Variants in KCNQ1 observed in about 807,000 individuals in gnomAD.
The protein encoded by KCNQ1 is potassium voltage-gated channel subfamily KQT member 1.
A neutral mutation model predicts 72.4 loss-of-function variants in KCNQ1; 49 were observed. That is an observed-to-expected ratio of 0.68 (90% CI 0.54 to 0.86). The LOEUF (loss-of-function observed/expected upper bound fraction) is 0.86, where lower values mean the gene tolerates loss of function less well. KCNQ1 is among the 40% of genes least tolerant of loss of function. KCNQ1 has a pLI of 0.00. For missense variants in KCNQ1, 790 were observed against 945.1 expected, an observed-to-expected ratio of 0.84 and a Z score of 2.15; for synonymous variants, 450 against 412.6, an observed-to-expected ratio of 1.09 and a Z score of -1.10.
chr11:2,622,183 C>A, intron 10 of KCNQ1: 2 of 398,358 alleles, frequency 5.0e-6, no homozygotes, highest in Non-Finnish European at 8.9e-6. Flanking sequence ...GTAGAACTGT[C>A]TTTCTCACTC....
rs1850563522 is a variant in KCNQ1, at chr11:2,690,094, A to G, written c.1514+28013A>G. 2 of 398,800 alleles carry G rather than the reference A, an allele frequency of 5.0e-6. No homozygotes were observed. The highest frequency in any genetic ancestry group is 8.8e-6 in the Non-Finnish European group (2 of 226,298). 24.7% of individuals were successfully genotyped at this position (398,800 alleles called of 1,614,324 possible). A position where few individuals can be genotyped will look rare whatever the true frequency, so the allele number is the denominator to read the frequency against. ...CTGGGCTGAAGGCACAGCAGGGACA[A>G]TCGCTCTTCCGGGGTTAGAACTGGG... On this transcript the variant is annotated intron_variant, in intron 11 of 15. Transcript: ENST00000155840. The surrounding 1 kb of genome is among the most constrained non-coding windows in gnomAD (Gnocchi z 5.1).
At chr11:2,573,165 G>A (rs190489118) in intron 6 of KCNQ1, among the ~76,000 whole-genome samples, 179 bp downstream of exon 6, 1 of 152,324 alleles carries the variant, frequency 6.6e-6, no homozygotes, top group African/African-American at 2.4e-5. Flanking sequence ...CCCACGCTCA[G>A]TGTTGAGTCC....
rs1009180179 is a variant in KCNQ1, at chr11:2,593,068, C to T, written c.1393+4214C>T. On this transcript the variant is annotated intron_variant, in intron 10 of 15. Coordinates refer to ENST00000155840, the MANE Select transcript of KCNQ1 (RefSeq NM_000218.3). The surrounding 1 kb of genome is among the most constrained non-coding windows in gnomAD (Gnocchi z 6.9). ...ACCATTGACCAGGTTGTCCAGTCCCCTCCTCATAGGGGAGTGGCCCTTTGT... is the reference window on the plus strand; with the variant it reads ...ACCATTGACCAGGTTGTCCAGTCCCTTCCTCATAGGGGAGTGGCCCTTTGT... Among the ~76,000 whole-genome samples, 4 of 152,336 alleles carry T rather than the reference C, an allele frequency of 2.6e-5. No homozygotes were observed. Among genetic ancestry groups the T allele is most frequent in the Admixed American group, 6.5e-5 (1 of 15,296 alleles).
At chr11:2,737,923 G>A (rs983953738) in intron 11 of KCNQ1, among the ~76,000 whole-genome samples, 10 of 152,194 alleles carry the variant, frequency 6.6e-5, no homozygotes, top group African/African-American at 1.7e-4. Flanking sequence ...CCCAGGGGAG[G>A]CACACCTGGG....
rs1849759483 is a variant in KCNQ1, at chr11:2,651,744, G to C, written c.1394-10217G>C. 7.5e-6 allele frequency: 3 copies of C among 398,492 alleles called. No homozygotes were observed. Among genetic ancestry groups the C allele is most frequent in the Non-Finnish European group, 8.8e-6 (2 of 226,102 alleles). The allele number at this position is 398,492 out of a possible 1,614,324, so 24.7% of individuals were successfully genotyped here. A position where few individuals can be genotyped will look rare whatever the true frequency, so the allele number is the denominator to read the frequency against. The stretch of plus-strand genomic sequence containing the variant: ...ATCCTCATTTCTATACGTTTTCTCT[G>C]ATTACTGGAAATTCCTCAAGTGTTG... On this transcript the variant is annotated intron_variant, in intron 10 of 15. Coordinates refer to ENST00000155840, the MANE Select transcript of KCNQ1 (RefSeq NM_000218.3). This position sits in a 1 kb window ranked among gnomAD's most constrained non-coding sequence, Gnocchi z 6.1.
chr11:2,808,715 C>T lies in KCNQ1; in HGVS notation c.1794+30678C>T, dbSNP rs1180193112. 1.3e-5 allele frequency among the ~76,000 whole-genome samples: 2 copies of T among 152,124 alleles called. No individual in the cohort carries two copies. The highest frequency in any genetic ancestry group is 2.9e-5 in the Non-Finnish European group (2 of 68,036). ...GACCATGCCCCCTTTCCCTAGGATA[C>T]CCCTTGTTATCCTAGAAATACCCAT... is the stretch of plus-strand genomic sequence containing the variant. On this transcript the variant is annotated intron_variant, in intron 15 of 15. Coordinates refer to ENST00000155840, the MANE Select transcript of KCNQ1 (RefSeq NM_000218.3). The surrounding 1 kb of genome is among the most constrained non-coding windows in gnomAD (Gnocchi z 6.0).
chr11:2,520,609 C>A (rs1462248849), intron 1 of KCNQ1, among the ~76,000 whole-genome samples: 1 of 152,134 alleles, frequency 6.6e-6, no homozygotes, highest in East Asian at 1.9e-4. Flanking sequence ...GAGACCTCTG[C>A]CCCTGGGCGT....
chr11:2,792,298 C>T (rs893770879), intron 15 of KCNQ1, among the ~76,000 whole-genome samples: 5 of 152,218 alleles, frequency 3.3e-5, no homozygotes, highest in African/African-American at 1.2e-4. Flanking sequence ...CCCCTCTGGC[C>T]GCCAGATCTT....
At chr11:2,700,390 G>C (rs758635625) in intron 11 of KCNQ1, among the ~76,000 whole-genome samples, 7 of 152,172 alleles carry the variant, frequency 4.6e-5, no homozygotes, top group Non-Finnish European at 1.0e-4. Context: ...CGGGGTGACC[G>C]CGTGAGGACA....
Position 2,605,395 on chromosome 11 carries a change from G to A in KCNQ1, c.1393+16541G>A, listed in dbSNP as rs1309192176. Among the ~76,000 whole-genome samples, 6 of 152,166 alleles carry A rather than the reference G, an allele frequency of 3.9e-5. No individual in the cohort carries two copies. In the East Asian group the frequency reaches 1.2e-3, roughly 29 times the overall value. On this transcript the variant is annotated intron_variant, in intron 10 of 15. Coordinates refer to ENST00000155840, the MANE Select transcript of KCNQ1 (RefSeq NM_000218.3). Reference sequence around the variant, plus strand: ...CAAGGTCATAAAGATTTACCCTTATGTTTACCCTAAGAATTTTATAGCTTT... The same window carrying A: ...CAAGGTCATAAAGATTTACCCTTATATTTACCCTAAGAATTTTATAGCTTT...
chr11:2,637,215 T>G (rs1009228301), intron 10 of KCNQ1: 1 of 152,224 alleles, frequency 6.6e-6, no homozygotes, highest in Non-Finnish European at 1.5e-5. Flanking sequence ...ATTTCTTGCC[T>G]TCTGCTAGCT....
chr11:2,700,711 G>T (rs1039793508), intron 11 of KCNQ1, among the ~76,000 whole-genome samples: 1 of 152,104 alleles, frequency 6.6e-6, no homozygotes, highest in African/African-American at 2.4e-5. Flanking sequence ...CACCCACCTG[G>T]CAAAGGGCAG....
intron 11 of KCNQ1, among the ~76,000 whole-genome samples, chr11:2,754,996 C>T (rs1564882574): frequency 6.6e-6 from 1 of 152,204 alleles, no homozygotes. Context: ...CGTTTACTCT[C>T]TTTCACTTCT....
Position 2,471,439 on chromosome 11 carries a change from A to C in KCNQ1, c.386+25955A>C, listed in dbSNP as rs991635005. ...CACTCCACGGCACTAAAGTGTCAAG[A>C]GACCCAGGGGACCTGCGAGATCCAT... is the stretch of plus-strand genomic sequence containing the variant. On this transcript the variant is annotated intron_variant, in intron 1 of 15. Transcript: ENST00000155840. The surrounding 1 kb of genome is among the most constrained non-coding windows in gnomAD (Gnocchi z 4.8). Among the ~76,000 whole-genome samples the C allele has an allele frequency of 6.6e-6, 1 of 152,228 alleles. No individual in the cohort carries two copies. Among genetic ancestry groups the C allele is most frequent in the Non-Finnish European group, 1.5e-5 (1 of 68,048 alleles).
At chr11:2,692,758 G>A (rs929286802) in intron 11 of KCNQ1, 2 of 398,498 alleles carry the variant, frequency 5.0e-6, no homozygotes, top group Non-Finnish European at 8.8e-6. Flanking sequence ...TCTGGGCCAG[G>A]GTCTAGTACC....
Position 2,536,965 on chromosome 11 carries a change from CGT to C in KCNQ1, c.477+8951_477+8952del, listed in dbSNP as rs1847742853. On this transcript the variant is annotated intron_variant, in intron 2 of 15. Transcript: ENST00000155840. The surrounding 1 kb of genome is among the most constrained non-coding windows in gnomAD (Gnocchi z 7.4). The stretch of plus-strand genomic sequence containing the variant: ...TTTACCTCACAGGGCATCCTCCCTG[CGT>C]GTGAGTCTGGAGCCAAATTTCTCCT... 6.6e-6 allele frequency among the ~76,000 whole-genome samples: 1 copy of C among 151,958 alleles called. No individual in the cohort carries two copies. Among genetic ancestry groups the C allele is most frequent in the African/African-American group, 2.4e-5 (1 of 41,256 alleles).
intron 2 of KCNQ1, among the ~76,000 whole-genome samples, chr11:2,535,345 G>A (rs369354870): frequency 2.1e-4 from 32 of 152,350 alleles, no homozygotes; most frequent in East Asian, 1.4e-3. Context: ...CCCAGCTTCA[G>A]CTGCCAAGGC....
At chr11:2,810,443 C>A (rs1847464152) in intron 15 of KCNQ1, among the ~76,000 whole-genome samples, 1 of 152,134 alleles carries the variant, frequency 6.6e-6, no homozygotes, top group African/African-American at 2.4e-5. Context: ...TCTCAACTTT[C>A]TTCCCCTTTT....
intron 6 of KCNQ1, among the ~76,000 whole-genome samples, chr11:2,573,190 C>G (rs755956567): frequency 1.1e-3 from 172 of 152,306 alleles, no homozygotes; most frequent in Non-Finnish European, 1.8e-3. Flanking sequence ...GCATCACCAT[C>G]TTGAAGTTCT....
Sources: allele counts gnomAD v4.1 joint callset (sites outside exome capture counted in the v4.1 genomes callset), GRCh38; gene constraint gnomAD v4.1.1; non-coding constraint Gnocchi (gnomAD v3.1); transcripts MANE v1.5; gene names NCBI Gene and HGNC (gene_info 2026-07-23, HGNC 2026-07-21).